MARS1: variants seen among roughly 807,000 people sequenced by gnomAD.
The protein encoded by MARS1 is methionyl-tRNA synthetase 1.
MARS1 carries 80 observed loss-of-function variants against 119.5 expected under a neutral mutation model. The observed-to-expected ratio is 0.67, with a 90% CI of 0.56 to 0.81. The LOEUF (loss-of-function observed/expected upper bound fraction) is 0.81, where lower values mean the gene tolerates loss of function less well. Ranked by LOEUF, MARS1 falls within the 30% of genes least tolerant of loss-of-function variation. The pLI is 0.00. For missense variants in MARS1, 945 were observed against 1,116.5 expected (o/e 0.85, Z 2.19); for synonymous variants, 418 against 433.4 (o/e 0.96, Z 0.44).
At chr12:57,497,908 GT>G (rs1876711623) in intron 7 of MARS1, among the ~76,000 whole-genome samples, 1 of 152,124 alleles carries the variant, frequency 6.6e-6, no homozygotes, top group South Asian at 2.1e-4. Flanking sequence ...AGAAATTGGT[GT>G]TGAACAAGGC....
chr12:57,508,015 C>T (rs1877304957), intron 11 of MARS1, among the ~76,000 whole-genome samples: 1 of 151,940 alleles, frequency 6.6e-6, no homozygotes, highest in African/African-American at 2.4e-5. Context: ...CTCCTTACAT[C>T]CCAGAAAGGG....
intron 10 of MARS1, among the ~76,000 whole-genome samples, chr12:57,500,851 C>T (rs945751506): frequency 6.6e-6 from 1 of 152,202 alleles, no homozygotes; most frequent in Non-Finnish European, 1.5e-5. Context: ...TAATTTATTT[C>T]TTCATTCATT....
At chr12:57,496,363 A>G (rs1369951171) in intron 7 of MARS1, among the ~76,000 whole-genome samples, 1 of 149,134 alleles carries the variant, frequency 6.7e-6, no homozygotes, top group African/African-American at 2.5e-5. Context: ...ACGGGGTTTT[A>G]CCATGTTGGC....
intron 11 of MARS1, among the ~76,000 whole-genome samples, chr12:57,504,751 T>C (rs1486597244): frequency 7.0e-6 from 1 of 142,918 alleles, no homozygotes; most frequent in Non-Finnish European, 1.5e-5. Context: ...TCGCCCAGGC[T>C]GGTGTGCAAT....
rs1412154411 is a variant in MARS1, at chr12:57,488,179, T to G, written c.89T>G (p.Ile30Ser). The stretch of plus-strand genomic sequence containing the variant: ...GCCCGGGGCAGAGCAGAGGTGCTCA[T>G]CAGCACTGTAGGCCCGGAAGGTACT... ...GRARGRAEVLISTVGPEDCVV... is the reference protein window; with the variant it reads ...GRARGRAEVLSSTVGPEDCVV... The change falls in exon 1 of 21, where the codon ATC (isoleucine) becomes AGC (serine). Residue 30 changes from isoleucine (I) to serine (S), a missense_variant. Coordinates refer to ENST00000262027, the MANE Select transcript of MARS1 (RefSeq NM_004990.4). 1.9e-6 allele frequency: 3 copies of G among 1,613,942 alleles called. No individual in the cohort carries two copies. Among genetic ancestry groups the G allele is most frequent in the Non-Finnish European group, 2.5e-6 (3 of 1,179,900 alleles).
At chr12:57,493,817 A>ATATAT (rs1876372464) in intron 7 of MARS1, among the ~76,000 whole-genome samples, 1 of 1,186 alleles carries the variant, frequency 8.4e-4, no homozygotes, top group Non-Finnish European at 3.4e-3. Context: ...AATGTATATT[A>ATATAT]TATATATTAT....
At chr12:57,516,215 G>A (rs1191650328) in intron 19 of MARS1, 30 bp from the exon 20 acceptor site, 5 of 1,599,128 alleles carry the variant, frequency 3.1e-6, no homozygotes, top group South Asian at 2.2e-5. Flanking sequence ...GATATTTATG[G>A]TTGCTGGTGA....
chr12:57,514,965 C>T lies in MARS1; in HGVS notation c.2111C>T (p.Ala704Val). 6.2e-7 allele frequency: 1 copy of T among 1,614,170 alleles called. No homozygotes were observed. The highest frequency in any genetic ancestry group is 1.1e-5 in the South Asian group (1 of 91,088). Residue 704 changes from alanine (A) to valine (V), a missense_variant, in exon 17 of 21, where the codon GCC becomes GTC. Ala to Val is a moderately conservative substitution (Grantham distance 64). Coordinates refer to ENST00000262027, the MANE Select transcript of MARS1 (RefSeq NM_004990.4). ...TCCTCCCTTCCCAGGATCCGGGATG[C>T]CTTGCGCAGTATCCTCACCATATCT... ...QLLEKVRIRD[A>V]LRSILTISRH...
intron 11 of MARS1, 69 bp from the exon 12 acceptor site, chr12:57,511,629 A>ATG (rs1227046416): frequency 1.3e-6 from 2 of 1,546,564 alleles, no homozygotes; most frequent in African/African-American, 2.7e-5. Context: ...AAAAGGTTAT[A>ATG]TGTGTTTATC....
Position 57,490,227 on chromosome 12 carries a change from A to C in MARS1, c.511A>C (p.Ser171Arg). 6.2e-7 allele frequency: 1 copy of C among 1,613,798 alleles called. No individual in the cohort carries two copies. Among genetic ancestry groups the C allele is most frequent in the Non-Finnish European group, 8.5e-7 (1 of 1,179,962 alleles). The change falls in exon 6 of 21, where the codon AGC becomes CGC. Residue 171 changes from serine to arginine, a missense_variant. Coordinates refer to ENST00000262027, the MANE Select transcript of MARS1 (RefSeq NM_004990.4). ...YLPEELSALH[S>R]WFQTLSTQEP... ...CACAGAGGAGCTGAGTGCCCTGCAC[A>C]GCTGGTTCCAGACACTGAGTACCCA...
intron 11 of MARS1, among the ~76,000 whole-genome samples, chr12:57,507,211 C>T (rs1333614985): frequency 6.6e-6 from 1 of 152,026 alleles, no homozygotes; most frequent in Non-Finnish European, 1.5e-5. Flanking sequence ...AAGAATTTTT[C>T]TTAGTACAGA....
chr12:57,501,651 C>G (rs375721655), intron 10 of MARS1, among the ~76,000 whole-genome samples: 11 of 152,098 alleles, frequency 7.2e-5, no homozygotes, highest in Middle Eastern at 6.8e-3. Context: ...GAAACCCTGT[C>G]TCTACTAAAA....
Position 57,515,938 on chromosome 12 carries a change from A to C in MARS1, c.2410A>C (p.Lys804Gln). The C allele has an allele frequency of 6.2e-7, 1 of 1,614,092 alleles. No individual in the cohort carries two copies. The highest frequency in any genetic ancestry group is 8.5e-7 in the Non-Finnish European group (1 of 1,179,970). Residue 804 changes from lysine (K) to glutamine (Q), a missense_variant, in exon 19 of 21, where the codon AAA becomes CAA. By Grantham distance (53) the Lys-to-Gln change is moderately conservative. Coordinates refer to ENST00000262027, the MANE Select transcript of MARS1 (RefSeq NM_004990.4). Reference sequence around the variant, plus strand: ...TTTACAGGTCAGTCCCTTGTTCCAAAAATTGGAAAATGACCAGATTGAAAG... The same window carrying C: ...TTTACAGGTCAGTCCCTTGTTCCAACAATTGGAAAATGACCAGATTGAAAG... Reference protein sequence around the residue: ...QIGTVSPLFQKLENDQIESLR... With the variant: ...QIGTVSPLFQQLENDQIESLR...
At chr12:57,494,905 C>T (rs1375806977) in intron 7 of MARS1, among the ~76,000 whole-genome samples, 2 of 152,218 alleles carry the variant, frequency 1.3e-5, no homozygotes, top group East Asian at 1.9e-4. Flanking sequence ...ATGTCTACTT[C>T]TTTCCACACA....
chr12:57,514,788 A>G lies in MARS1; in HGVS notation c.2036A>G (p.Gln679Arg), dbSNP rs1877698766. 4 of 1,614,200 alleles carry G rather than the reference A, an allele frequency of 2.5e-6. No homozygotes were observed. The highest frequency in any genetic ancestry group is 3.4e-6 in the Non-Finnish European group (4 of 1,180,046). Residue 679 changes from glutamine to arginine, a missense_variant, in exon 16 of 21, where the codon CAG (glutamine) becomes CGG (arginine). Physicochemically the swap from Gln to Arg is conservative, Grantham distance 43 (BLOSUM62 1). Coordinates refer to ENST00000262027, the MANE Select transcript of MARS1 (RefSeq NM_004990.4). The stretch of plus-strand genomic sequence containing the variant: ...GAGATGGTGCTCACCCCTGATGATC[A>G]GCGCCTGCTGGCCCATGTCACCCTG... ...VPEMVLTPDD[Q>R]RLLAHVTLEL...
At position 57,511,731 on chromosome 12, in the gene MARS1, A is replaced by T; in HGVS notation, c.1402A>T (p.Thr468Ser). Residue 468 changes from threonine to serine, a missense_variant, in exon 12 of 21, where the codon ACA becomes TCA. Physicochemically the swap from Thr to Ser is moderately conservative, Grantham distance 58. Transcript: ENST00000262027. ...GCGACTGGAGGAGTGGTTGGGGAGGACATTGCCTGGCAGTGACTGGACACC... is the reference window on the plus strand; with the variant it reads ...GCGACTGGAGGAGTGGTTGGGGAGGTCATTGCCTGGCAGTGACTGGACACC... ...EKRLEEWLGR[T>S]LPGSDWTPNA... 1 of 1,614,088 alleles carries T rather than the reference A, an allele frequency of 6.2e-7. No homozygotes were observed. Among genetic ancestry groups the T allele is most frequent in the Non-Finnish European group, 8.5e-7 (1 of 1,180,002 alleles).
Position 57,498,708 on chromosome 12 carries a change from G to A in MARS1, c.1091+85G>A, listed in dbSNP as rs949018586. 16 of 1,345,888 alleles carry A rather than the reference G, an allele frequency of 1.2e-5. No homozygotes were observed. The African/African-American group carries it at 1.4e-4, about 12-fold the overall frequency. 83.4% of individuals were successfully genotyped at this position (1,345,888 alleles called of 1,614,324 possible). ...AGTATCTTGGAGACAGAAGGAACCCGGGTGGCTGTCTGGGCACTCCTAAAC... is the reference window on the plus strand; with the variant it reads ...AGTATCTTGGAGACAGAAGGAACCCAGGTGGCTGTCTGGGCACTCCTAAAC... On this transcript the variant is annotated intron_variant, in intron 9 of 20. Coordinates refer to ENST00000262027, the MANE Select transcript of MARS1 (RefSeq NM_004990.4).
At chr12:57,505,495 TGTAC>T (rs1441425351) in intron 11 of MARS1, among the ~76,000 whole-genome samples, 8 of 152,118 alleles carry the variant, frequency 5.3e-5, no homozygotes, top group African/African-American at 1.2e-4. Flanking sequence ...TTCCTCCTTC[TGTAC>T]CCTGGGCTTG....
In MARS1 at chr12:57,488,089, A is replaced by C. The variant is rs771406360; in HGVS notation, c.-2A>C. 12 of 1,613,892 alleles carry C rather than the reference A, an allele frequency of 7.4e-6. No individual in the cohort carries two copies. The South Asian group carries it at 1.3e-4, about 18-fold the overall frequency. ...TTGCATCAGCGAGGGATTCACGGCG[A>C]AATGAGACTGTTCGTGAGTGATGGC... On this transcript the variant is annotated 5_prime_UTR_variant, in exon 1 of 21. Coordinates refer to ENST00000262027, the MANE Select transcript of MARS1 (RefSeq NM_004990.4).
Sources: allele counts gnomAD v4.1 joint callset (sites outside exome capture counted in the v4.1 genomes callset), GRCh38; gene constraint gnomAD v4.1.1; transcripts MANE v1.5; gene names NCBI Gene and HGNC (gene_info 2026-07-23, HGNC 2026-07-21).